Variants in ABCD2 observed in about 807,000 individuals in gnomAD.
ABCD2 encodes ATP-binding cassette sub-family D member 2.
Under a neutral mutation model 70.9 loss-of-function variants are expected in ABCD2, and 36 were observed. The ratio of observed to expected loss-of-function variants is 0.51; its 90% CI spans 0.39 to 0.67. The LOEUF is 0.67. Among genes scored for constraint, ABCD2 ranks in the 30% least tolerant of loss-of-function variants. The pLI, the probability that ABCD2 is intolerant of heterozygous loss-of-function variation, is 0.00. For synonymous variants in ABCD2, 304 were observed against 306.9 expected (o/e 0.99, Z 0.10); for missense variants, 729 against 890.2 (o/e 0.82, Z 2.30).
the ABCD2 span, among the ~76,000 whole-genome samples, chr12:39,531,845 T>C: frequency 8.5e-5 from 13 of 152,364 alleles, no homozygotes; most frequent in African/African-American, 2.2e-4. Context: ...AAACAACCCA[T>C]ATATTCGCAA....
rs1449262253 is a variant in ABCD2, at chr12:39,552,272, G to A, written c.*1640C>T. The A allele has an allele frequency of 6.6e-6, 1 of 151,858 alleles. No individual in the cohort carries two copies. Among genetic ancestry groups the A allele is most frequent in the Non-Finnish European group, 1.5e-5 (1 of 67,826 alleles). The allele number at this position is 151,858 out of a possible 1,614,324, so 9.4% of individuals were successfully genotyped here. A position where few individuals can be genotyped will look rare whatever the true frequency, so the allele number is the denominator to read the frequency against. Reference sequence around the variant, plus strand: ...TAGAAATGTTATGATGTTCTATAACGATCATTATGAATGACTTCCAGGTAC... The same window carrying A: ...TAGAAATGTTATGATGTTCTATAACAATCATTATGAATGACTTCCAGGTAC... On this transcript the variant is annotated 3_prime_UTR_variant, in exon 10 of 10. Coordinates refer to ENST00000308666, the MANE Select transcript of ABCD2 (RefSeq NM_005164.4).
intron 5 of ABCD2, 38 bp downstream of exon 5, chr12:39,603,874 G>T: frequency 6.9e-7 from 1 of 1,442,674 alleles, no homozygotes; most frequent in Non-Finnish European, 9.7e-7. Context: ...GTATTAGTGT[G>T]ATGGCAACAA....
intron 9 of ABCD2, among the ~76,000 whole-genome samples, chr12:39,568,583 T>C (rs1941395823): frequency 1.3e-5 from 2 of 152,170 alleles, no homozygotes; most frequent in Admixed American, 6.5e-5. Context: ...CTCCCTCCTT[T>C]AGCTCGGAGT....
chr12:39,606,235 G>A (rs569488632), intron 3 of ABCD2, among the ~76,000 whole-genome samples: 8 of 152,194 alleles, frequency 5.3e-5, no homozygotes, highest in East Asian at 3.9e-4. Flanking sequence ...AGAATGTGCC[G>A]GTAGACAAAT....
At chr12:39,557,036 A>G (rs1245553247) in intron 9 of ABCD2, among the ~76,000 whole-genome samples, 1 of 152,160 alleles carries the variant, frequency 6.6e-6, no homozygotes, top group African/African-American at 2.4e-5. Flanking sequence ...GAACTGGGTA[A>G]CAGGCAGAGA....
In ABCD2 at chr12:39,617,087, T is replaced by A. The variant is rs1280129489; in HGVS notation, c.1021A>T (p.Ile341Phe). ...TTCATCAGGAACTGTTCTATCATGATGTACCACAAACGTTTGGATAAAATG... is the reference window on the plus strand; with the variant it reads ...TTCATCAGGAACTGTTCTATCATGAAGTACCACAAACGTTTGGATAAAATG... ...NLILSKRLWY[I>F]MIEQFLMKYV... is the part of the protein sequence containing the mutation. The change falls in exon 2 of 10, where the codon ATC becomes TTC. Residue 341 changes from isoleucine to phenylalanine, a missense_variant. This residue lies in a region of ABCD2 where 195 missense variants were observed against 300.2 expected (regional missense o/e 0.65). Transcript: ENST00000308666. 1 of 1,613,228 alleles carries A rather than the reference T, an allele frequency of 6.2e-7. No homozygotes were observed. The highest frequency in any genetic ancestry group is 1.7e-4 in the Middle Eastern group (1 of 6,058).
chr12:39,586,903 C>G (rs1316184183), intron 6 of ABCD2, among the ~76,000 whole-genome samples: 1 of 152,130 alleles, frequency 6.6e-6, no homozygotes, highest in Non-Finnish European at 1.5e-5. Flanking sequence ...TCTTACTAAT[C>G]AGATTGGCAA....
the ABCD2 span, among the ~76,000 whole-genome samples, chr12:39,541,564 C>G: frequency 0.017 from 2,586 of 152,178 alleles, 33 homozygotes; most frequent in Non-Finnish European, 0.021. Flanking sequence ...TAGTCTTTCC[C>G]AAGAGTTATG....
chr12:39,557,265 C>G (rs1476398974), intron 9 of ABCD2, among the ~76,000 whole-genome samples: 2 of 152,070 alleles, frequency 1.3e-5, no homozygotes, highest in Non-Finnish European at 2.9e-5. Flanking sequence ...TTGCCCCTGC[C>G]CTAGAGGTCT....
rs558170188 is a variant in ABCD2, at chr12:39,553,709, G to A, written c.*203C>T. ...AGGCCTTCACTAGGAATTAGTATAA[G>A]TCATAATGACTGACCTTACATAATG... is the stretch of plus-strand genomic sequence containing the variant. On this transcript the variant is annotated 3_prime_UTR_variant, in exon 10 of 10. Coordinates refer to ENST00000308666, the MANE Select transcript of ABCD2 (RefSeq NM_005164.4). The A allele has an allele frequency of 7.4e-6, 4 of 540,856 alleles. No homozygotes were observed. In the East Asian group the frequency reaches 9.1e-5, roughly 12 times the overall value. The allele number at this position is 540,856 out of a possible 1,614,324, so 33.5% of individuals were successfully genotyped here.
At chr12:39,574,137 T>C (rs1941485317) in intron 8 of ABCD2, among the ~76,000 whole-genome samples, 1 of 152,140 alleles carries the variant, frequency 6.6e-6, no homozygotes, top group African/African-American at 2.4e-5. Context: ...GGCAGGTCAC[T>C]GAGTACATTT....
chr12:39,531,726 T>A, the ABCD2 span, among the ~76,000 whole-genome samples: 9 of 152,374 alleles, frequency 5.9e-5, no homozygotes, highest in East Asian at 1.7e-3. Flanking sequence ...GGTGGAATCA[T>A]GCTTTTTTGT....
intron 9 of ABCD2, among the ~76,000 whole-genome samples, chr12:39,560,623 C>T (rs1016792197): frequency 3.3e-5 from 5 of 151,418 alleles, no homozygotes; most frequent in African/African-American, 1.2e-4. Flanking sequence ...TTTGTATATA[C>T]TTTAACAACT....
Position 39,568,262 on chromosome 12 carries a change from C to G in ABCD2, c.2003+5454G>C, listed in dbSNP as rs552148671. On this transcript the variant is annotated intron_variant, in intron 9 of 9. Transcript: ENST00000308666. ...ATTCTCCCCGTCACTTTCAGGTACA[C>G]CAATCAGATGTAGATTTGGTCTTTT... 2.0e-5 allele frequency among the ~76,000 whole-genome samples: 3 copies of G among 152,336 alleles called. No homozygotes were observed. In the East Asian group the frequency reaches 5.8e-4, roughly 29 times the overall value.
intron 7 of ABCD2, 72 bp downstream of exon 7, chr12:39,586,080 G>A: frequency 1.4e-6 from 2 of 1,388,260 alleles, no homozygotes; most frequent in Non-Finnish European, 9.8e-7. Context: ...TTAAACCACA[G>A]ACTAAATATA....
intron 6 of ABCD2, among the ~76,000 whole-genome samples, chr12:39,595,779 T>G (rs934532299): frequency 6.6e-6 from 1 of 152,192 alleles, no homozygotes; most frequent in Non-Finnish European, 1.5e-5. Context: ...ATAATGAGTG[T>G]TGTGGAAGCA....
chr12:39,604,175 T>C (rs1030279426), intron 4 of ABCD2, among the ~76,000 whole-genome samples, 169 bp from the exon 5 acceptor site: 1 of 152,106 alleles, frequency 6.6e-6, no homozygotes, highest in Non-Finnish European at 1.5e-5. Context: ...CAAAGTTTAA[T>C]GTAATGCAAA....
At chr12:39,595,876 C>T (rs2120685647) in intron 6 of ABCD2, among the ~76,000 whole-genome samples, 1 of 152,154 alleles carries the variant, frequency 6.6e-6, no homozygotes, top group South Asian at 2.1e-4. Context: ...AGGTTGAGCT[C>T]CTTAGCTAGA....
chr12:39,617,693 C>G (rs535561014), intron 1 of ABCD2, among the ~76,000 whole-genome samples: 1 of 152,050 alleles, frequency 6.6e-6, no homozygotes, highest in South Asian at 2.1e-4. Flanking sequence ...GAGTAGGATT[C>G]CTAAATTTAC....
Sources: gnomAD v4.1 joint callset for allele counts (sites outside exome capture counted in the v4.1 genomes callset) on GRCh38, gnomAD v4.1.1 for gene constraint, gnomAD v4.1.1 regional missense constraint, MANE v1.5 for transcripts, NCBI Gene and HGNC (gene_info 2026-07-23, HGNC 2026-07-21) for gene names.